Variants in WNT3 observed in about 807,000 individuals in gnomAD.
WNT3 encodes proto-oncogene Wnt-3.
In WNT3, 7 loss-of-function variants were observed where a neutral mutation model predicts 34.2. That is an observed-to-expected ratio of 0.20 (90% confidence interval 0.12 to 0.38). WNT3 has a LOEUF of 0.38. WNT3 is among the 10% of genes least tolerant of loss of function. The probability of loss-of-function intolerance (pLI) is 1.00; values close to 1 mark genes in which losing one functional copy is unlikely to be tolerated. For missense variants in WNT3, 267 were observed against 499.8 expected (o/e 0.53, Z 4.44); for synonymous variants, 212 against 211.5 (o/e 1.00, Z -0.02).
chr17:46,784,777 C>T lies in WNT3; in HGVS notation c.81-10868G>A, dbSNP rs867183167. Among the ~76,000 whole-genome samples, 1,068 of 129,246 alleles carry T rather than the reference C, an allele frequency of 8.3e-3. 31 individuals are homozygous for T. The highest frequency in any genetic ancestry group is 0.035 in the East Asian group (119 of 3,444). 84.8% of individuals were successfully genotyped at this position (129,246 alleles called of 152,430 possible). On this transcript the variant is annotated intron_variant, in intron 1 of 4. Coordinates refer to ENST00000225512, the MANE Select transcript of WNT3 (RefSeq NM_030753.5). ...TCTGCGCTTTCCCCTTTTTGCTTTT[C>T]TTTTTTTTTTTTTTTTGAGATGGAG...
intron 1 of WNT3, among the ~76,000 whole-genome samples, chr17:46,801,456 C>G (rs2084123771): frequency 6.6e-6 from 1 of 152,048 alleles, no homozygotes; most frequent in Non-Finnish European, 1.5e-5. Context: ...CCCATCTCTA[C>G]TAAAAATAGA....
At position 46,818,681 on chromosome 17, in the gene WNT3, G is replaced by A; in HGVS notation, c.-84C>T. The A allele has an allele frequency of 1.5e-6, 2 of 1,315,432 alleles. No homozygotes were observed. The highest frequency in any genetic ancestry group is 5.0e-5 in the East Asian group (2 of 39,896). 81.5% of individuals were successfully genotyped at this position (1,315,432 alleles called of 1,614,324 possible). On this transcript the variant is annotated 5_prime_UTR_variant, in exon 1 of 5. Transcript: ENST00000225512. Reference sequence around the variant, plus strand: ...CCAATAGTTGGAACAAAGTCCACTTGAGATTGGAAATGACTTTCGGGCTTG... The same window carrying A: ...CCAATAGTTGGAACAAAGTCCACTTAAGATTGGAAATGACTTTCGGGCTTG...
At chr17:46,805,439 G>C (rs1162372759) in intron 1 of WNT3, among the ~76,000 whole-genome samples, 2 of 151,918 alleles carry the variant, frequency 1.3e-5, no homozygotes, top group Non-Finnish European at 1.5e-5. Context: ...CAGGTGTGGT[G>C]GCGGGCGCCT....
intron 1 of WNT3, among the ~76,000 whole-genome samples, chr17:46,796,084 G>A (rs534599543): frequency 3.9e-5 from 6 of 152,184 alleles, no homozygotes; most frequent in African/African-American, 9.7e-5. Context: ...CACCCTCCAC[G>A]CCTGCAGGCC....
At chr17:46,797,294 G>C (rs914228849) in intron 1 of WNT3, among the ~76,000 whole-genome samples, 9 of 152,234 alleles carry the variant, frequency 5.9e-5, no homozygotes, top group Non-Finnish European at 8.8e-5. Flanking sequence ...TGGAAAAGCT[G>C]TTCCAAAAAC....
At chr17:46,781,412 CAA>C (rs58042041) in intron 1 of WNT3, among the ~76,000 whole-genome samples, 6 of 111,826 alleles carry the variant, frequency 5.4e-5, no homozygotes, top group African/African-American at 1.3e-4. Flanking sequence ...GACTCTGTCT[CAA>C]AAAAAAAAAA....
At position 46,772,653 on chromosome 17, in the gene WNT3, C is replaced by T. The variant is rs548702488; in HGVS notation, c.322+1015G>A. ...CATCATCCATTGATTTGCTAATTAC[C>T]CTCCTGTCCCATGACAATAGCCAGC... On this transcript the variant is annotated intron_variant, in intron 2 of 4. Coordinates refer to ENST00000225512, the MANE Select transcript of WNT3 (RefSeq NM_030753.5). Among the ~76,000 whole-genome samples, 3 of 152,280 alleles carry T rather than the reference C, an allele frequency of 2.0e-5. No homozygotes were observed. In the East Asian group the frequency reaches 5.8e-4, roughly 29 times the overall value.
At chr17:46,816,986 T>C (rs2084359479) in intron 1 of WNT3, among the ~76,000 whole-genome samples, 1 of 152,204 alleles carries the variant, frequency 6.6e-6, no homozygotes. Flanking sequence ...TGGACTTCTT[T>C]ATGTGCTGGA....
At chr17:46,769,222 C>T (rs924963948) in intron 3 of WNT3, among the ~76,000 whole-genome samples, 4 of 149,832 alleles carry the variant, frequency 2.7e-5, no homozygotes, top group African/African-American at 9.9e-5. Flanking sequence ...AGGTTGAGGC[C>T]GGAGAATTGC....
At chr17:46,805,403 T>C (rs995713957) in intron 1 of WNT3, among the ~76,000 whole-genome samples, 1 of 151,870 alleles carries the variant, frequency 6.6e-6, no homozygotes, top group Admixed American at 6.6e-5. Flanking sequence ...TGAAATCCCA[T>C]CTCTACTAAA....
At chr17:46,773,635 G>GGCC in intron 2 of WNT3, 33 bp downstream of exon 2, 3 of 218,070 alleles carry the variant, frequency 1.4e-5, no homozygotes, top group South Asian at 5.0e-5. Flanking sequence ...CCCCCACCCA[G>GGCC]CCCCTCCCCC....
chr17:46,764,951 C>T (rs2059300306), intron 4 of WNT3, among the ~76,000 whole-genome samples: 1 of 152,232 alleles, frequency 6.6e-6, no homozygotes, highest in Admixed American at 6.5e-5. Context: ...GGCCGAGGGC[C>T]CAGTCCCCAA....
At chr17:46,774,736 C>T (rs2059400758) in intron 1 of WNT3, among the ~76,000 whole-genome samples, 1 of 152,152 alleles carries the variant, frequency 6.6e-6, no homozygotes, top group African/African-American at 2.4e-5. Context: ...AAAGAATGAC[C>T]TTATGGGGGT....
intron 1 of WNT3, among the ~76,000 whole-genome samples, chr17:46,786,095 G>A (rs1475322275): frequency 3.4e-5 from 4 of 116,620 alleles, no homozygotes; most frequent in African/African-American, 1.4e-4. Flanking sequence ...GGAAAGTGAA[G>A]TTGATAAGCC....
At chr17:46,788,277 C>T (rs1286289634) in intron 1 of WNT3, among the ~76,000 whole-genome samples, 1 of 152,166 alleles carries the variant, frequency 6.6e-6, no homozygotes. Flanking sequence ...TCATTTTAAC[C>T]TTGTAACATT....
intron 1 of WNT3, among the ~76,000 whole-genome samples, chr17:46,783,281 C>A (rs542426612): frequency 1.3e-5 from 2 of 152,198 alleles, no homozygotes; most frequent in East Asian, 3.9e-4. Context: ...TGATTTAGCC[C>A]CAGCTGTCAA....
intron 1 of WNT3, among the ~76,000 whole-genome samples, chr17:46,810,059 G>T (rs1445476268): frequency 6.9e-6 from 1 of 144,738 alleles, no homozygotes; most frequent in Admixed American, 7.1e-5. Context: ...CAGGCTGGAA[G>T]GCAGTGGTGC....
intron 1 of WNT3, among the ~76,000 whole-genome samples, chr17:46,811,670 T>A (rs1402999341): frequency 6.6e-6 from 1 of 151,994 alleles, no homozygotes; most frequent in Non-Finnish European, 1.5e-5. Flanking sequence ...TTCTAGAAAC[T>A]CTGGCTGGGT....
intron 1 of WNT3, among the ~76,000 whole-genome samples, chr17:46,797,283 C>T (rs990015903): frequency 6.6e-6 from 1 of 152,162 alleles, no homozygotes; most frequent in Non-Finnish European, 1.5e-5. Flanking sequence ...CAAGAGCTGT[C>T]TGGAAAAGCT....
Sources: allele counts gnomAD v4.1 joint callset (sites outside exome capture counted in the v4.1 genomes callset), GRCh38; gene constraint gnomAD v4.1.1; transcripts MANE v1.5; gene names NCBI Gene and HGNC (gene_info 2026-07-23, HGNC 2026-07-21).